The following SGPP2 variants were observed in gnomAD, a reference collection of about 807,000 sequenced individuals.
SGPP2 encodes the protein sphingosine 1-phosphate phosphohydrolase 2.
SGPP2 carries 30 observed loss-of-function variants against 33.9 expected under a neutral mutation model. The observed-to-expected ratio is 0.89, with a 90% CI of 0.66 to 1.20. SGPP2 has a LOEUF of 1.20. Ranked by LOEUF, SGPP2 falls within the 50% of genes most tolerant of loss-of-function variation. SGPP2 has a pLI of 0.00. For synonymous variants in SGPP2, 233 were observed against 225.0 expected (o/e 1.04, Z -0.32); for missense variants, 458 against 532.1 (o/e 0.86, Z 1.37).
chr2:222,448,864 A>C (rs941503155), intron 1 of SGPP2, among the ~76,000 whole-genome samples: 3 of 152,206 alleles, frequency 2.0e-5, no homozygotes, highest in Admixed American at 6.5e-5. Flanking sequence ...TAATTATGAC[A>C]GCAGTCCAGA....
At chr2:222,449,144 TTCTGTCTTGTC>T (rs1307586055) in intron 1 of SGPP2, among the ~76,000 whole-genome samples, 1 of 152,202 alleles carries the variant, frequency 6.6e-6, no homozygotes, top group Non-Finnish European at 1.5e-5. Flanking sequence ...CCACTGTGCG[TTCTGTCTTGTC>T]TCTCTCCCTT....
At chr2:222,554,539 A>T (rs954101699) in intron 4 of SGPP2, among the ~76,000 whole-genome samples, 1 of 152,196 alleles carries the variant, frequency 6.6e-6, no homozygotes, top group African/African-American at 2.4e-5. Context: ...TAAATGTGTA[A>T]TTTTTAAAGC....
At chr2:222,436,121 T>C (rs973640915) in intron 1 of SGPP2, among the ~76,000 whole-genome samples, 2 of 152,186 alleles carry the variant, frequency 1.3e-5, no homozygotes, top group African/African-American at 4.8e-5. Flanking sequence ...CAGGCAACAC[T>C]GTAACTCCTT....
chr2:222,508,249 C>G (rs1203016775), intron 2 of SGPP2, among the ~76,000 whole-genome samples: 1 of 152,160 alleles, frequency 6.6e-6, no homozygotes, highest in Non-Finnish European at 1.5e-5. Flanking sequence ...GCATAGATAA[C>G]TATTCTCATG....
chr2:222,472,691 A>G, intron 1 of SGPP2, among the ~76,000 whole-genome samples: 1 of 152,202 alleles, frequency 6.6e-6, no homozygotes. Context: ...AGTCTTACAA[A>G]GGTGGTTTTC....
chr2:222,562,339 T>C lies in SGPP2; in HGVS notation c.*3441T>C, dbSNP rs1371577028. Among the ~76,000 whole-genome samples the C allele has an allele frequency of 6.6e-6, 1 of 152,160 alleles. No homozygotes were observed. The highest frequency in any genetic ancestry group is 2.4e-5 in the African/African-American group (1 of 41,444). ...GCACCGTCACAAGATATTCAGAAGA[T>C]GAAAACGTAGAAGACACCCCTGAAT... On this transcript the variant is annotated 3_prime_UTR_variant, in exon 5 of 5. Coordinates refer to ENST00000321276, the MANE Select transcript of SGPP2 (RefSeq NM_152386.4).
chr2:222,462,569 G>A (rs1697679599), intron 1 of SGPP2, among the ~76,000 whole-genome samples: 2 of 152,004 alleles, frequency 1.3e-5, no homozygotes, highest in African/African-American at 4.8e-5. Flanking sequence ...TAATATTTAG[G>A]GACCTAGAGA....
At chr2:222,531,671 G>A (rs1248531154) in intron 4 of SGPP2, among the ~76,000 whole-genome samples, 1 of 152,128 alleles carries the variant, frequency 6.6e-6, no homozygotes, top group Non-Finnish European at 1.5e-5. Flanking sequence ...TAGTTAAGGT[G>A]GTGAATTTTA....
Position 222,558,950 on chromosome 2 carries a change from A to G in SGPP2, c.*52A>G, listed in dbSNP as rs760636084. The stretch of plus-strand genomic sequence containing the variant: ...CTGGACATGAAAGCCAAGACATAGG[A>G]AAGTTATTGGTAGGCAAATCTTGAC... On this transcript the variant is annotated 3_prime_UTR_variant, in exon 5 of 5. Coordinates refer to ENST00000321276, the MANE Select transcript of SGPP2 (RefSeq NM_152386.4). 3.2e-6 allele frequency: 5 copies of G among 1,552,152 alleles called. No homozygotes were observed. The highest frequency in any genetic ancestry group is 4.4e-6 in the Non-Finnish European group (5 of 1,142,088).
At chr2:222,449,074 C>T (rs982822254) in intron 1 of SGPP2, among the ~76,000 whole-genome samples, 5 of 152,128 alleles carry the variant, frequency 3.3e-5, no homozygotes, top group Non-Finnish European at 7.4e-5. Flanking sequence ...GTAGAATTTC[C>T]GTCTGTGGAG....
At chr2:222,469,273 C>G (rs1697802535) in intron 1 of SGPP2, among the ~76,000 whole-genome samples, 2 of 152,148 alleles carry the variant, frequency 1.3e-5, no homozygotes, top group Non-Finnish European at 1.5e-5. Context: ...AACCTCCGCC[C>G]CTCCAGGTTT....
At chr2:222,491,141 AT>A in intron 2 of SGPP2, among the ~76,000 whole-genome samples, 1 of 118,948 alleles carries the variant, frequency 8.4e-6, no homozygotes, top group Non-Finnish European at 1.9e-5. Context: ...TTCCAAATAT[AT>A]ATTTTTTTTT....
At position 222,509,432 on chromosome 2, in the gene SGPP2, T is replaced by TA. The variant is rs1377067580; in HGVS notation, c.379-12335_379-12334insA. ...TTTGATAAGAGCAATATTTTAGGCA[T>TA]TAATAAATATAATGTAGCTTTTAAA... On this transcript the variant is annotated intron_variant, in intron 2 of 4. Transcript: ENST00000321276. 1.1e-3 allele frequency among the ~76,000 whole-genome samples: 175 copies of TA among 152,326 alleles called. 1 individual carries two copies. The highest frequency in any genetic ancestry group is 7.6e-4 in the Non-Finnish European group (52 of 68,022).
At chr2:222,444,310 G>A (rs182710199) in intron 1 of SGPP2, among the ~76,000 whole-genome samples, 9 of 152,316 alleles carry the variant, frequency 5.9e-5, no homozygotes, top group East Asian at 3.9e-4. Context: ...CAGGATTTGC[G>A]TGGTAGGAGT....
At chr2:222,531,084 A>G (rs981082030) in intron 4 of SGPP2, among the ~76,000 whole-genome samples, 1 of 152,152 alleles carries the variant, frequency 6.6e-6, no homozygotes, top group Non-Finnish European at 1.5e-5. Context: ...TCACTTGAAC[A>G]CTGAGAGGCT....
intron 2 of SGPP2, chr2:222,503,881 A>G (rs2106119936): frequency 6.6e-6 from 1 of 152,280 alleles, no homozygotes; most frequent in South Asian, 2.1e-4. Flanking sequence ...CTTACACCTC[A>G]GAGGTCACAC....
chr2:222,483,329 C>A (rs980985151), intron 2 of SGPP2, among the ~76,000 whole-genome samples: 18 of 151,164 alleles, frequency 1.2e-4, no homozygotes, highest in Admixed American at 6.6e-5. Context: ...TTCTGTAGAG[C>A]CAAAGTCCTG....
Position 222,476,020 on chromosome 2 carries a change from C to T in SGPP2, c.378+1294C>T, listed in dbSNP as rs960971310. Among the ~76,000 whole-genome samples, 1 of 152,062 alleles carries T rather than the reference C, an allele frequency of 6.6e-6. No individual in the cohort carries two copies. The highest frequency in any genetic ancestry group is 1.5e-5 in the Non-Finnish European group (1 of 68,020). On this transcript the variant is annotated intron_variant, in intron 2 of 4. Coordinates refer to ENST00000321276, the MANE Select transcript of SGPP2 (RefSeq NM_152386.4). This position sits in a 1 kb window ranked among gnomAD's most constrained non-coding sequence, Gnocchi z 4.3. ...ACGCATAGTGACTGGTGCATGAAGG[C>T]GAAGGAGTCTTGAAGATCAACCAAC...
chr2:222,523,690 A>G (rs570077600), intron 3 of SGPP2, among the ~76,000 whole-genome samples: 1 of 151,210 alleles, frequency 6.6e-6, no homozygotes, highest in South Asian at 2.1e-4. Flanking sequence ...TGGTTTATTT[A>G]TATATTATAT....
Sources: allele counts gnomAD v4.1 joint callset (sites outside exome capture counted in the v4.1 genomes callset), GRCh38; gene constraint gnomAD v4.1.1; non-coding constraint Gnocchi (gnomAD v3.1); transcripts MANE v1.5; gene names NCBI Gene and HGNC (gene_info 2026-07-23, HGNC 2026-07-21).